Variants in MALRD1 observed in about 807,000 individuals in gnomAD.
The protein encoded by MALRD1 is MAM and LDL receptor class A domain containing 1.
MALRD1 carries 247 observed loss-of-function variants against 242.1 expected under a neutral mutation model. The ratio of observed to expected loss-of-function variants is 1.02; its 90% CI spans 0.92 to 1.13. The LOEUF (loss-of-function observed/expected upper bound fraction) is 1.13. Among genes scored for constraint, MALRD1 ranks in the 50% most tolerant of loss-of-function variants. The pLI is 0.00. For synonymous variants in MALRD1, 995 were observed against 866.6 expected, an observed-to-expected ratio of 1.15 and a Z score of -2.60; for missense variants, 2,989 against 2,533.1, an observed-to-expected ratio of 1.18 and a Z score of -3.86.
At chr10:19,101,405 ATATAT>A (rs1262078291) in intron 4 of MALRD1, among the ~76,000 whole-genome samples, 3 of 141,762 alleles carry the variant, frequency 2.1e-5, no homozygotes, top group Non-Finnish European at 4.5e-5. Context: ...TGTATTATTC[ATATAT>A]TATATATTAT....
chr10:19,112,668 A>G (rs1414626321), intron 5 of MALRD1, among the ~76,000 whole-genome samples: 1 of 152,186 alleles, frequency 6.6e-6, no homozygotes, highest in African/African-American at 2.4e-5. Flanking sequence ...TTTTGGCCAT[A>G]TCATTGGCTT....
intron 5 of MALRD1, among the ~76,000 whole-genome samples, chr10:19,108,093 C>G (rs1468129360): frequency 6.6e-6 from 1 of 152,038 alleles, no homozygotes; most frequent in Admixed American, 6.5e-5. Flanking sequence ...CTGTGCCTTT[C>G]TTCATCTTTT....
intron 29 of MALRD1, among the ~76,000 whole-genome samples, chr10:19,487,456 G>T (rs1207557637): frequency 1.3e-5 from 2 of 150,446 alleles, no homozygotes; most frequent in African/African-American, 4.9e-5. Flanking sequence ...TCTCTTCATG[G>T]CTTTGCTATT....
In MALRD1 at chr10:19,203,840, C is replaced by A; in HGVS notation, c.2064C>A (p.His688Gln). 1.9e-6 allele frequency: 3 copies of A among 1,550,444 alleles called. No individual in the cohort carries two copies. The highest frequency in any genetic ancestry group is 2.4e-5 in the South Asian group (2 of 84,050). The change falls in exon 15 of 40, where the codon CAC becomes CAA. Residue 688 changes from histidine (H) to glutamine (Q), a missense_variant. Transcript: ENST00000454679. Reference protein sequence around the residue: ...SQSELSADFEHQAPPRDHSLN... With the variant: ...SQSELSADFEQQAPPRDHSLN... ...GTGAACTTTCTGCTGATTTTGAGCA[C>A]CAGGCTCCACCTCGGGATCATAGTC...
chr10:19,509,767 A>G (rs758816854), intron 31 of MALRD1, among the ~76,000 whole-genome samples: 1 of 152,328 alleles, frequency 6.6e-6, no homozygotes, highest in South Asian at 2.1e-4. Flanking sequence ...GCAGACTACT[A>G]TGATGACTAT....
intron 36 of MALRD1, among the ~76,000 whole-genome samples, chr10:19,625,462 A>G (rs573426148): frequency 6.6e-6 from 1 of 152,198 alleles, no homozygotes; most frequent in Admixed American, 6.5e-5. Context: ...TATCCTCTCT[A>G]GAACATTCCC....
chr10:19,358,713 A>T (rs992590309), intron 26 of MALRD1, among the ~76,000 whole-genome samples: 1 of 152,170 alleles, frequency 6.6e-6, no homozygotes, highest in African/African-American at 2.4e-5. Flanking sequence ...GCACTTTTGG[A>T]ACAATGTATG....
intron 33 of MALRD1, among the ~76,000 whole-genome samples, chr10:19,592,755 A>ACGCG (rs1466692743): frequency 8.4e-6 from 1 of 119,378 alleles, no homozygotes; most frequent in African/African-American, 2.9e-5. Flanking sequence ...ACACACACAC[A>ACGCG]CACACACGCA....
rs1258897737 is a variant in MALRD1, at chr10:19,123,499, T to C, written c.702T>C (p.Ile234=). ...SSGCLPANDG[I]LLCQEALNAE... ...AATCTTTAAATTTAACAGATGGAAT[T>C]TTACTGTGTCAAGAAGCATTGAATG... Residue 234 remains isoleucine, a synonymous_variant, in exon 6 of 40, where the codon ATT becomes ATC. Coordinates refer to ENST00000454679, the MANE Select transcript of MALRD1 (RefSeq NM_001142308.3). The C allele has an allele frequency of 8.1e-6, 10 of 1,233,174 alleles. No homozygotes were observed. In the East Asian group the frequency reaches 3.2e-4, roughly 39 times the overall value. 76.4% of individuals were successfully genotyped at this position (1,233,174 alleles called of 1,614,324 possible).
chr10:19,164,272 A>T (rs912495682), intron 12 of MALRD1, among the ~76,000 whole-genome samples: 1 of 152,212 alleles, frequency 6.6e-6, no homozygotes, highest in African/African-American at 2.4e-5. Flanking sequence ...AAAATGAACA[A>T]TTTTTTTAAA....
At chr10:19,358,918 A>G (rs1844766209) in intron 26 of MALRD1, among the ~76,000 whole-genome samples, 1 of 152,186 alleles carries the variant, frequency 6.6e-6, no homozygotes, top group Non-Finnish European at 1.5e-5. Context: ...TCTTCAGAAA[A>G]AAAAATTGCT....
At chr10:19,087,446 C>CA (rs757575706) in intron 2 of MALRD1, among the ~76,000 whole-genome samples, 6 of 150,998 alleles carry the variant, frequency 4.0e-5, no homozygotes, top group Non-Finnish European at 7.4e-5. Flanking sequence ...GTTCTTTAAA[C>CA]AAAAAAAATT....
At chr10:19,260,805 G>A (rs2484086) in intron 19 of MALRD1, among the ~76,000 whole-genome samples, 13,308 of 152,162 alleles carry the variant, frequency 0.087, 798 homozygotes, top group South Asian at 0.16. Flanking sequence ...GTACCTAGCT[G>A]TAAAGTGGCA....
chr10:19,164,861 GA>G (rs1834604511), intron 12 of MALRD1, among the ~76,000 whole-genome samples: 1 of 152,118 alleles, frequency 6.6e-6, no homozygotes, highest in South Asian at 2.1e-4. Context: ...AATAGGAAGT[GA>G]AATGATTAAG....
chr10:19,295,469 G>GTGTA (rs1841651686), intron 21 of MALRD1, among the ~76,000 whole-genome samples: 1 of 151,658 alleles, frequency 6.6e-6, no homozygotes, highest in Admixed American at 6.6e-5. Flanking sequence ...TTGGGTGTGT[G>GTGTA]TGTGTGTGTG....
At chr10:19,694,139 G>A (rs916061661) in intron 38 of MALRD1, among the ~76,000 whole-genome samples, 9 of 152,108 alleles carry the variant, frequency 5.9e-5, no homozygotes, top group Non-Finnish European at 1.2e-4. Flanking sequence ...GAAAACCTAG[G>A]CAATACCATT....
intron 19 of MALRD1, among the ~76,000 whole-genome samples, chr10:19,268,505 A>G (rs543402885): frequency 4.6e-5 from 7 of 152,284 alleles, no homozygotes; most frequent in East Asian, 3.9e-4. Flanking sequence ...TAAATATTCT[A>G]AAGAGACTGT....
chr10:19,576,381 A>G (rs2131491446), intron 33 of MALRD1, among the ~76,000 whole-genome samples: 1 of 152,306 alleles, frequency 6.6e-6, no homozygotes, highest in South Asian at 2.1e-4. Flanking sequence ...AGCAATTCTT[A>G]TTCTCATTGT....
intron 29 of MALRD1, among the ~76,000 whole-genome samples, chr10:19,482,383 A>G (rs1589140626): frequency 1.3e-5 from 2 of 152,174 alleles, no homozygotes; most frequent in East Asian, 3.9e-4. Context: ...AAAGTCAAAC[A>G]AAAAACCAGT....
Sources: gnomAD v4.1 joint callset for allele counts (sites outside exome capture counted in the v4.1 genomes callset) on GRCh38, gnomAD v4.1.1 for gene constraint, MANE v1.5 for transcripts, NCBI Gene and HGNC (gene_info 2026-07-23, HGNC 2026-07-21) for gene names.